Variants in DSTYK observed in about 807,000 individuals in gnomAD.
DSTYK encodes dual serine/threonine and tyrosine protein kinase.
DSTYK carries 34 observed loss-of-function variants against 98.7 expected under a neutral mutation model. The observed-to-expected ratio is 0.34, with a 90% CI of 0.26 to 0.46. The LOEUF (loss-of-function observed/expected upper bound fraction) is 0.46. DSTYK is among the 20% of genes least tolerant of loss of function. DSTYK has a pLI of 1.00. For synonymous variants in DSTYK, 462 were observed against 457.3 expected (o/e 1.01, Z -0.13); for missense variants, 962 against 1,181.7 (o/e 0.81, Z 2.73).
rs907732121 is a variant in DSTYK at position 205,150,871 on chromosome 1, T to C, written c.2353-77A>G. On this transcript the variant is annotated intron_variant, in intron 10 of 12. Coordinates refer to ENST00000367162, the MANE Select transcript of DSTYK (RefSeq NM_015375.3). The surrounding 1 kb of genome is among the most constrained non-coding windows in gnomAD (Gnocchi z 4.1). ...ACTGCTGCGTACCTAAGCTCAAAGG[T>C]AGGTACCTCAAAGTAGTGTCACTGG... 1.8e-6 allele frequency: 2 copies of C among 1,132,808 alleles called. No individual in the cohort carries two copies. The highest frequency in any genetic ancestry group is 2.7e-6 in the Non-Finnish European group (2 of 750,894). The allele number at this position is 1,132,808 out of a possible 1,614,324, so 70.2% of individuals were successfully genotyped here.
intron 2 of DSTYK, among the ~76,000 whole-genome samples, chr1:205,182,892 G>A (rs958419274): frequency 1.3e-4 from 20 of 152,094 alleles, no homozygotes; most frequent in African/African-American, 4.8e-4. Flanking sequence ...AAGCCCAAAG[G>A]GCCAAAAGCA....
At chr1:205,156,817 A>C (rs1275378581) in intron 10 of DSTYK, among the ~76,000 whole-genome samples, 2 of 152,124 alleles carry the variant, frequency 1.3e-5, no homozygotes, top group East Asian at 3.9e-4. Flanking sequence ...CTGTGTCCCC[A>C]CCCAAATCTC....
At chr1:205,177,383 C>T (rs1402603627) in intron 2 of DSTYK, among the ~76,000 whole-genome samples, 1 of 152,162 alleles carries the variant, frequency 6.6e-6, no homozygotes, top group African/African-American at 2.4e-5. Context: ...TCCTTGTCCC[C>T]ATATTCTAGC....
Position 205,145,565 on chromosome 1 carries a change from G to C in DSTYK, c.*1993C>G, listed in dbSNP as rs566030580. 1.2e-3 allele frequency: 157 copies of C among 129,600 alleles called. 1 individual carries two copies. Among genetic ancestry groups the C allele is most frequent in the African/African-American group, 4.0e-3 (147 of 37,168 alleles). The allele number at this position is 129,600 out of a possible 1,614,324, so 8.0% of individuals were successfully genotyped here. A position where few individuals can be genotyped will look rare whatever the true frequency, so the allele number is the denominator to read the frequency against. Reference sequence around the variant, plus strand: ...TTTTTTTGAGATAGAGTCTCGCTCTGTTGCCCAGGCTGGAGTGCAGTGGCG... The same window carrying C: ...TTTTTTTGAGATAGAGTCTCGCTCTCTTGCCCAGGCTGGAGTGCAGTGGCG... On this transcript the variant is annotated 3_prime_UTR_variant, in exon 13 of 13. Coordinates refer to ENST00000367162, the MANE Select transcript of DSTYK (RefSeq NM_015375.3).
chr1:205,191,564 T>G (rs1658714575), intron 1 of DSTYK, among the ~76,000 whole-genome samples: 1 of 152,218 alleles, frequency 6.6e-6, no homozygotes, highest in Admixed American at 6.5e-5. Context: ...AGGTTTTAAC[T>G]GCTGAAAGAC....
rs1657712111 is a variant in DSTYK, at chr1:205,161,320, T to C, written c.1886A>G (p.His629Arg). 6.2e-7 allele frequency: 1 copy of C among 1,613,978 alleles called. No individual in the cohort carries two copies. Among genetic ancestry groups the C allele is most frequent in the African/African-American group, 1.3e-5 (1 of 74,904 alleles). ...AGAAAGGCGGGCCAGGCGGGGAGCA[T>C]GATCTTTCCGAACCCTCAGCCATAG... The part of the protein sequence containing the change: ...EDLWLRVRKD[H>R]APRLARLSLE... Residue 629 changes from histidine (H) to arginine (R), a missense_variant, in exon 7 of 13, where the codon CAT becomes CGT. This residue lies in a region of DSTYK where 660 missense variants were observed against 855.0 expected (regional missense o/e 0.77). Coordinates refer to ENST00000367162, the MANE Select transcript of DSTYK (RefSeq NM_015375.3).
chr1:205,191,124 C>G (rs1167187166), intron 1 of DSTYK, among the ~76,000 whole-genome samples: 1 of 152,178 alleles, frequency 6.6e-6, no homozygotes. Context: ...ACTGTCAAAA[C>G]GACCAAAGAC....
At chr1:205,182,194 T>C (rs1318801134) in intron 2 of DSTYK, among the ~76,000 whole-genome samples, 4 of 149,124 alleles carry the variant, frequency 2.7e-5, no homozygotes, top group Admixed American at 2.7e-4. Flanking sequence ...TGAGCTCAAG[T>C]GTTTGGGACC....
Position 205,169,766 on chromosome 1 carries a change from C to A in DSTYK, c.721G>T (p.Val241Leu), listed in dbSNP as rs774439952. 1 of 1,614,232 alleles carries A rather than the reference C, an allele frequency of 6.2e-7. No homozygotes were observed. The highest frequency in any genetic ancestry group is 1.1e-5 in the South Asian group (1 of 91,088). The change falls in exon 3 of 13, where the codon GTG (valine) becomes TTG (leucine). Residue 241 changes from valine (V) to leucine (L), a missense_variant. Physicochemically the swap from Val to Leu is conservative, Grantham distance 32. Around this residue, in one of 4 missense-constraint regions of DSTYK, gnomAD observed 660 missense variants for 855.0 expected, o/e 0.77. Transcript: ENST00000367162. The surrounding 1 kb of genome is among the most constrained non-coding windows in gnomAD (Gnocchi z 4.0). The stretch of plus-strand genomic sequence containing the variant: ...GTTATCACAGGCAAGAAATCATTCA[C>A]CAAGTCACCCAGAACATCCACTGTG... ...RPTVDVLGDL[V>L]NDFLPVITYA...
At chr1:205,203,496 G>A (rs1490156305) in intron 1 of DSTYK, among the ~76,000 whole-genome samples, 1 of 110,456 alleles carries the variant, frequency 9.1e-6, no homozygotes, top group African/African-American at 3.7e-5. Flanking sequence ...GGAGAGGGGA[G>A]GGGAGGGGTA....
intron 1 of DSTYK, among the ~76,000 whole-genome samples, chr1:205,197,515 A>T (rs774317237): frequency 1.2e-4 from 18 of 152,104 alleles, no homozygotes; most frequent in Admixed American, 5.2e-4. Flanking sequence ...TAATTTTTTT[A>T]GGATCCAAAT....
At chr1:205,148,580 G>A (rs1410896524) in intron 11 of DSTYK, among the ~76,000 whole-genome samples, 1 of 152,162 alleles carries the variant, frequency 6.6e-6, no homozygotes, top group Non-Finnish European at 1.5e-5. Context: ...CTTGACAAAG[G>A]AGAAGGAAAA....
chr1:205,165,720 A>G (rs374483658), intron 3 of DSTYK, among the ~76,000 whole-genome samples: 1 of 152,216 alleles, frequency 6.6e-6, no homozygotes, highest in African/African-American at 2.4e-5. Context: ...ATACCCTTAC[A>G]AGTCCCAAGG....
rs576736740 is a variant in DSTYK, at chr1:205,164,987, G to A, written c.1325-1032C>T. Among the ~76,000 whole-genome samples, 55 of 152,160 alleles carry A rather than the reference G, an allele frequency of 3.6e-4. 1 individual carries two copies. Among genetic ancestry groups the A allele is most frequent in the Admixed American group, 2.0e-4 (3 of 15,270 alleles). On this transcript the variant is annotated intron_variant, in intron 3 of 12. Transcript: ENST00000367162. ...TTAGGAAGTAATACAGCCAGCTTTT[G>A]AACCCAGTGCTCATTATTCCAAATC...
At chr1:205,182,980 C>T (rs1443861173) in intron 2 of DSTYK, among the ~76,000 whole-genome samples, 1 of 151,804 alleles carries the variant, frequency 6.6e-6, no homozygotes, top group Non-Finnish European at 1.5e-5. Flanking sequence ...TGAAACGCCA[C>T]CTCCAGGCTG....
At chr1:205,205,890 A>C (rs533342257) in intron 1 of DSTYK, among the ~76,000 whole-genome samples, 11 of 152,348 alleles carry the variant, frequency 7.2e-5, no homozygotes, top group South Asian at 2.1e-4. Context: ...TATAAAAAAA[A>C]CCTGAGAATT....
In DSTYK at chr1:205,199,867, G is replaced by A. The variant is rs75258504; in HGVS notation, c.265+11404C>T. 3.5e-3 allele frequency among the ~76,000 whole-genome samples: 528 copies of A among 152,146 alleles called. 1 individual carries two copies. The highest frequency in any genetic ancestry group is 0.012 in the African/African-American group (491 of 41,504). ...ACCCATAGCTCGTAGTTTTCCTACC[G>A]GCTTCTCTGTAACTTCTAAGAAAGA... On this transcript the variant is annotated intron_variant, in intron 1 of 12. Coordinates refer to ENST00000367162, the MANE Select transcript of DSTYK (RefSeq NM_015375.3).
intron 10 of DSTYK, among the ~76,000 whole-genome samples, chr1:205,156,192 G>C (rs978924790): frequency 1.3e-5 from 2 of 152,234 alleles, no homozygotes; most frequent in Admixed American, 6.5e-5. Context: ...GGGATATGTG[G>C]GGTTGGAGCC....
chr1:205,149,852 T>C (rs1244759515), intron 11 of DSTYK, among the ~76,000 whole-genome samples: 1 of 152,232 alleles, frequency 6.6e-6, no homozygotes, highest in Non-Finnish European at 1.5e-5. Flanking sequence ...TTTCCTGTCA[T>C]GCTTATTTCT....
Sources: gnomAD v4.1 joint callset for allele counts (sites outside exome capture counted in the v4.1 genomes callset) on GRCh38, gnomAD v4.1.1 for gene constraint, gnomAD v4.1.1 regional missense constraint, Gnocchi (gnomAD v3.1) non-coding constraint, MANE v1.5 for transcripts, NCBI Gene and HGNC (gene_info 2026-07-23, HGNC 2026-07-21) for gene names.